The following TPRG1 variants were observed in gnomAD, a reference collection of about 807,000 sequenced individuals.
The protein encoded by TPRG1 is tumor protein p63-regulated gene 1 protein.
TPRG1 carries 29 observed loss-of-function variants against 29.3 expected under a neutral mutation model. The observed-to-expected ratio is 0.99, with a 90% CI of 0.74 to 1.35. The LOEUF (loss-of-function observed/expected upper bound fraction) is 1.35, where lower values mean the gene tolerates loss of function less well. TPRG1 is among the 40% of genes most tolerant of loss of function. The pLI is 0.00. For missense variants in TPRG1, 327 were observed against 335.0 expected (o/e 0.98, Z 0.19); for synonymous variants, 130 against 116.8 (o/e 1.11, Z -0.73).
At chr3:189,251,723 A>G (rs1448399308) in intron 4 of TPRG1, among the ~76,000 whole-genome samples, 1 of 152,220 alleles carries the variant, frequency 6.6e-6, no homozygotes, top group Non-Finnish European at 1.5e-5. Flanking sequence ...CTTACAGAGC[A>G]GTATTGTTGC....
At chr3:189,113,616 C>T (rs1720813882) in intron 1 of TPRG1, among the ~76,000 whole-genome samples, 1 of 152,078 alleles carries the variant, frequency 6.6e-6, no homozygotes, top group African/African-American at 2.4e-5. Context: ...AAGGCCTTTT[C>T]TGCATCTATT....
rs114691312 is a variant in TPRG1, at chr3:189,237,042, A to T, written c.303-1691A>T. The stretch of plus-strand genomic sequence containing the variant: ...TGAGTACTAGTATTGTCTTCATTTC[A>T]CAGACGTGGAACCTGGGCCATAGAA... On this transcript the variant is annotated intron_variant, in intron 3 of 5. Coordinates refer to ENST00000345063, the MANE Select transcript of TPRG1 (RefSeq NM_198485.4). 2.9e-3 allele frequency among the ~76,000 whole-genome samples: 447 copies of T among 152,268 alleles called. 3 individuals carry two copies. Among genetic ancestry groups the T allele is most frequent in the African/African-American group, 9.9e-3 (413 of 41,544 alleles).
At chr3:189,146,601 C>A (rs1383382684) in intron 3 of TPRG1, among the ~76,000 whole-genome samples, 1 of 152,172 alleles carries the variant, frequency 6.6e-6, no homozygotes, top group East Asian at 1.9e-4. Context: ...ACTGATCCCC[C>A]ATATTATAAT....
At chr3:189,004,077 A>T (rs1330232318) in intron 2 of TPRG1, among the ~76,000 whole-genome samples, 1 of 152,144 alleles carries the variant, frequency 6.6e-6, no homozygotes, top group Non-Finnish European at 1.5e-5. Flanking sequence ...GGGCCAAAAA[A>T]GACAAAATGT....
chr3:189,178,285 T>C (rs559937642), intron 1 of TPRG1, among the ~76,000 whole-genome samples: 3 of 152,170 alleles, frequency 2.0e-5, no homozygotes. Flanking sequence ...TCCCAGCACT[T>C]TGGGAGGCCA....
At chr3:189,026,496 G>A (rs1399294585) in intron 4 of TPRG1, among the ~76,000 whole-genome samples, 1 of 152,174 alleles carries the variant, frequency 6.6e-6, no homozygotes, top group African/African-American at 2.4e-5. Flanking sequence ...ACATTGCTGG[G>A]CAGGTGAGGT....
chr3:189,254,688 T>C, intron 4 of TPRG1, among the ~76,000 whole-genome samples: 1 of 152,220 alleles, frequency 6.6e-6, no homozygotes, highest in East Asian at 1.9e-4. Context: ...GTGTCCTCTC[T>C]TATTTCCTTG....
At chr3:189,302,603 C>T (rs891165735) in intron 4 of TPRG1, among the ~76,000 whole-genome samples, 9 of 152,192 alleles carry the variant, frequency 5.9e-5, no homozygotes, top group Middle Eastern at 3.2e-3. Flanking sequence ...CCTAGGATGA[C>T]ATTTGTTTCT....
At chr3:189,288,943 G>A (rs907004365) in intron 4 of TPRG1, among the ~76,000 whole-genome samples, 4 of 152,168 alleles carry the variant, frequency 2.6e-5, no homozygotes, top group Admixed American at 1.3e-4. Context: ...CTGTACGTGA[G>A]CCTTTCCTCC....
intron 4 of TPRG1, among the ~76,000 whole-genome samples, chr3:189,038,317 A>T (rs1046026682): frequency 1.3e-5 from 2 of 152,118 alleles, no homozygotes; most frequent in African/African-American, 2.4e-5. Flanking sequence ...AAAATTAAAA[A>T]TAATGTCCTC....
At chr3:189,175,107 A>G (rs1192985185) in intron 1 of TPRG1, among the ~76,000 whole-genome samples, 1 of 152,206 alleles carries the variant, frequency 6.6e-6, no homozygotes, top group Non-Finnish European at 1.5e-5. Flanking sequence ...ACCATCTAGT[A>G]TTGAAAATGT....
chr3:189,271,440 C>T (rs1431868619), intron 4 of TPRG1, among the ~76,000 whole-genome samples: 1 of 152,176 alleles, frequency 6.6e-6, no homozygotes, highest in Non-Finnish European at 1.5e-5. Context: ...TGCCCACATG[C>T]ACATAAAGGA....
At chr3:189,007,002 C>A (rs535236449) in intron 3 of TPRG1, among the ~76,000 whole-genome samples, 2 of 151,894 alleles carry the variant, frequency 1.3e-5, no homozygotes, top group African/African-American at 2.4e-5. Context: ...ACTTCATGTG[C>A]AAAACACCAA....
chr3:189,219,605 G>A, intron 3 of TPRG1: 4 of 1,288,364 alleles, frequency 3.1e-6, no homozygotes, highest in Non-Finnish European at 4.0e-6. Flanking sequence ...AGAACATCTT[G>A]ACACTTTATG....
chr3:189,178,525 A>AC (rs1729798018), intron 1 of TPRG1, among the ~76,000 whole-genome samples: 1 of 152,232 alleles, frequency 6.6e-6, no homozygotes, highest in Non-Finnish European at 1.5e-5. Context: ...TCTCAAAGGA[A>AC]AAAAAAGAAA....
chr3:189,181,989 G>T (rs113331261), intron 1 of TPRG1, among the ~76,000 whole-genome samples: 10,638 of 152,250 alleles, frequency 0.07, 490 homozygotes, highest in Middle Eastern at 0.13. Flanking sequence ...CAAAGAAAGA[G>T]AATTTGGGCA....
At chr3:189,138,597 C>T (rs147858146) in intron 3 of TPRG1, among the ~76,000 whole-genome samples, 49 of 152,230 alleles carry the variant, frequency 3.2e-4, no homozygotes, top group African/African-American at 1.1e-3. Context: ...GGATCAGGCA[C>T]GCATAGGAAG....
chr3:189,266,421 A>G (rs978035915), intron 4 of TPRG1, among the ~76,000 whole-genome samples: 3 of 152,188 alleles, frequency 2.0e-5, no homozygotes, highest in Non-Finnish European at 4.4e-5. Flanking sequence ...TCAACAGAAA[A>G]GGAGTGTTCA....
chr3:189,173,284 G>A (rs1729049849), intron 1 of TPRG1, among the ~76,000 whole-genome samples: 1 of 150,838 alleles, frequency 6.6e-6, no homozygotes, highest in African/African-American at 2.4e-5. Flanking sequence ...GCATTGGGTT[G>A]TAATGCTATA....
Sources: allele counts gnomAD v4.1 joint callset (sites outside exome capture counted in the v4.1 genomes callset), GRCh38; gene constraint gnomAD v4.1.1; transcripts MANE v1.5; gene names NCBI Gene and HGNC (gene_info 2026-07-23, HGNC 2026-07-21).